The following PTPRG variants were observed in gnomAD, a reference collection of about 807,000 sequenced individuals.
PTPRG encodes protein tyrosine phosphatase receptor type G.
In PTPRG, 102 loss-of-function variants were observed where a neutral mutation model predicts 165.3. The ratio of observed to expected loss-of-function variants is 0.62; its 90% CI spans 0.53 to 0.73. The LOEUF (loss-of-function observed/expected upper bound fraction) is 0.73, where lower values mean the gene tolerates loss of function less well. PTPRG is among the 30% of genes least tolerant of loss of function. The pLI, the probability that PTPRG is intolerant of heterozygous loss-of-function variation, is 0.00. For synonymous variants in PTPRG, 675 were observed against 669.5 expected (o/e 1.01, Z -0.13); for missense variants, 1,866 against 1,861.4 (o/e 1.00, Z -0.05).
At chr3:61,665,647 G>C (rs962105824) in intron 1 of PTPRG, among the ~76,000 whole-genome samples, 1 of 151,860 alleles carries the variant, frequency 6.6e-6, no homozygotes, top group Non-Finnish European at 1.5e-5. Context: ...AACCTAGTGA[G>C]ACCTTATCTG....
chr3:61,968,178 A>G (rs1433264266), intron 2 of PTPRG, among the ~76,000 whole-genome samples: 1 of 152,196 alleles, frequency 6.6e-6, no homozygotes, highest in South Asian at 2.1e-4. Flanking sequence ...AATGGTCTGA[A>G]CCATTAAATG....
chr3:61,695,975 A>T (rs1281321991), intron 1 of PTPRG, among the ~76,000 whole-genome samples: 1 of 152,182 alleles, frequency 6.6e-6, no homozygotes, highest in African/African-American at 2.4e-5. Context: ...GGAGTGAGAT[A>T]GGGATTTAAG....
chr3:62,262,300 A>G (rs944977104), intron 16 of PTPRG: 1 of 152,310 alleles, frequency 6.6e-6, no homozygotes, highest in African/African-American at 2.4e-5. Flanking sequence ...CACCCTCACA[A>G]TTATAAAATG....
At chr3:62,057,086 A>T (rs913539982) in intron 4 of PTPRG, among the ~76,000 whole-genome samples, 1 of 152,234 alleles carries the variant, frequency 6.6e-6, no homozygotes, top group African/African-American at 2.4e-5. Flanking sequence ...GAGAAAGGCA[A>T]ATGACTCTGA....
intron 2 of PTPRG, among the ~76,000 whole-genome samples, chr3:61,900,037 T>TA (rs1161005036): frequency 6.6e-6 from 1 of 152,206 alleles, no homozygotes; most frequent in Admixed American, 6.5e-5. Flanking sequence ...GTCTGTTTTT[T>TA]AAAAAATGTA....
chr3:61,683,676 G>A (rs186481741), intron 1 of PTPRG, among the ~76,000 whole-genome samples: 78 of 152,140 alleles, frequency 5.1e-4, no homozygotes, highest in African/African-American at 1.7e-3. Context: ...GATATATTTC[G>A]TTCTCTGTCG....
intron 4 of PTPRG, among the ~76,000 whole-genome samples, chr3:62,060,209 C>A (rs1700762840): frequency 1.6e-5 from 1 of 60,930 alleles, no homozygotes; most frequent in African/African-American, 5.4e-5. Flanking sequence ...GAGACCCTGT[C>A]TCAAAAAAAA....
chr3:61,988,557 G>A (rs762096633), intron 2 of PTPRG, among the ~76,000 whole-genome samples: 3 of 152,094 alleles, frequency 2.0e-5, no homozygotes, highest in Non-Finnish European at 4.4e-5. Flanking sequence ...TATACAGGAG[G>A]CACAAAAATC....
chr3:62,002,000 T>C (rs888625023), intron 3 of PTPRG, among the ~76,000 whole-genome samples: 4 of 152,352 alleles, frequency 2.6e-5, no homozygotes, highest in East Asian at 1.9e-4. Context: ...GCATGTTTAA[T>C]TGGCACAAGA....
intron 4 of PTPRG, among the ~76,000 whole-genome samples, chr3:62,040,712 G>T (rs1011166028): frequency 2.6e-5 from 4 of 152,128 alleles, no homozygotes; most frequent in African/African-American, 9.7e-5. Flanking sequence ...AGAGTGCTTG[G>T]ATTACAGGTG....
chr3:61,657,190 G>T (rs1001583653), intron 1 of PTPRG, among the ~76,000 whole-genome samples: 2 of 152,140 alleles, frequency 1.3e-5, no homozygotes, highest in African/African-American at 4.8e-5. Context: ...AGGGGAGCCA[G>T]CAAGGCTTGT....
chr3:62,072,615 A>T (rs72889516), intron 4 of PTPRG, among the ~76,000 whole-genome samples: 44 of 134,666 alleles, frequency 3.3e-4, no homozygotes, highest in African/African-American at 1.3e-3. Flanking sequence ...ATATATGTGT[A>T]TGTGTGTGTG....
At chr3:61,850,865 G>A (rs887963552) in intron 2 of PTPRG, among the ~76,000 whole-genome samples, 5 of 152,084 alleles carry the variant, frequency 3.3e-5, no homozygotes, top group African/African-American at 1.2e-4. Context: ...ACATGCCTTT[G>A]TATGAAACAG....
chr3:62,077,773 G>A (rs1022000286), intron 4 of PTPRG, among the ~76,000 whole-genome samples: 6 of 152,120 alleles, frequency 3.9e-5, no homozygotes. Context: ...GGAGGCCAAA[G>A]CAAGCAGATC....
intron 1 of PTPRG, among the ~76,000 whole-genome samples, chr3:61,646,537 TC>T (rs767954524): frequency 2.0e-5 from 3 of 152,042 alleles, no homozygotes; most frequent in Non-Finnish European, 4.4e-5. Context: ...TTCCCCAGCC[TC>T]CCCCAATGAT....
Position 61,696,558 on chromosome 3 carries a change from C to T in PTPRG, c.86-52320C>T, listed in dbSNP as rs149716279. On this transcript the variant is annotated intron_variant, in intron 1 of 29. Coordinates refer to ENST00000474889, the MANE Select transcript of PTPRG (RefSeq NM_002841.4). ...CATGCTTATTTGCAATGTGAGCCCA[C>T]ATTTGGTTTTATAATCCTTTCTCAC... Among the ~76,000 whole-genome samples the T allele has an allele frequency of 2.1e-3, 315 of 152,294 alleles. 6 individuals are homozygous for T. The highest frequency in any genetic ancestry group is 0.016 in the Admixed American group (245 of 15,306).
At chr3:61,694,310 A>G (rs2030425205) in intron 1 of PTPRG, among the ~76,000 whole-genome samples, 1 of 152,238 alleles carries the variant, frequency 6.6e-6, no homozygotes, top group African/African-American at 2.4e-5. Context: ...ATTAAGAAAA[A>G]GATTTTTAAA....
chr3:61,772,124 G>C (rs2034229087), intron 2 of PTPRG, among the ~76,000 whole-genome samples: 1 of 143,066 alleles, frequency 7.0e-6, no homozygotes, highest in Non-Finnish European at 1.5e-5. Context: ...TCATCTTCAT[G>C]TTCCTTCTTT....
intron 2 of PTPRG, among the ~76,000 whole-genome samples, chr3:61,789,867 C>G (rs1348430342): frequency 6.6e-6 from 1 of 152,202 alleles, no homozygotes; most frequent in Non-Finnish European, 1.5e-5. Flanking sequence ...TGCCTAAAAC[C>G]TAGTCCTCTA....
Sources: gnomAD v4.1 joint callset for allele counts (sites outside exome capture counted in the v4.1 genomes callset) on GRCh38, gnomAD v4.1.1 for gene constraint, MANE v1.5 for transcripts, NCBI Gene and HGNC (gene_info 2026-07-23, HGNC 2026-07-21) for gene names.